Variants in DOCK2 observed in about 807,000 individuals in gnomAD.
The protein encoded by DOCK2 is dedicator of cytokinesis protein 2.
Under a neutral mutation model 248.9 loss-of-function variants are expected in DOCK2, and 87 were observed. The ratio of observed to expected loss-of-function variants is 0.35; its 90% CI spans 0.29 to 0.42. The LOEUF (loss-of-function observed/expected upper bound fraction) is 0.42, where lower values mean the gene tolerates loss of function less well. DOCK2 is among the 10% of genes least tolerant of loss of function. DOCK2 has a pLI of 1.00. For synonymous variants in DOCK2, 805 were observed against 821.6 expected, an observed-to-expected ratio of 0.98 and a Z score of 0.35; for missense variants, 1,747 against 2,300.2, an observed-to-expected ratio of 0.76 and a Z score of 4.92.
intron 25 of DOCK2, among the ~76,000 whole-genome samples, chr5:169,798,599 C>T (rs1451541970): frequency 2.6e-5 from 4 of 152,126 alleles, no homozygotes; most frequent in African/African-American, 7.2e-5. Context: ...GTTTTATGAC[C>T]ACTCCTAATA....
intron 50 of DOCK2, chr5:170,080,677 A>G (rs1045997347): frequency 1.5e-5 from 3 of 198,994 alleles, no homozygotes; most frequent in Non-Finnish European, 2.1e-5. Flanking sequence ...GCTTTACAGA[A>G]ATGGCCACCA....
chr5:169,730,889 TC>T (rs59586978), intron 22 of DOCK2, among the ~76,000 whole-genome samples: 6,208 of 137,026 alleles, frequency 0.045, 434 homozygotes, highest in African/African-American at 0.19. Flanking sequence ...TCTCTCTCTC[TC>T]TTTTTTTTAG....
intron 27 of DOCK2, among the ~76,000 whole-genome samples, chr5:169,904,091 CAAA>C (rs57983281): frequency 7.1e-5 from 5 of 70,386 alleles, no homozygotes; most frequent in Admixed American, 1.7e-4. Context: ...GACTTCGTCT[CAAA>C]AAAAAAAAAA....
At chr5:169,910,957 A>G (rs1449240399) in intron 27 of DOCK2, among the ~76,000 whole-genome samples, 1 of 152,140 alleles carries the variant, frequency 6.6e-6, no homozygotes. Flanking sequence ...TATCTGGGGT[A>G]TGAGCCACTT....
chr5:169,859,175 A>G (rs1057049343), intron 27 of DOCK2, among the ~76,000 whole-genome samples: 17 of 152,202 alleles, frequency 1.1e-4, no homozygotes, highest in African/African-American at 4.1e-4. Flanking sequence ...TCTGGCAATG[A>G]GAGAACCAAA....
At chr5:169,717,090 A>G (rs1013193682) in intron 20 of DOCK2, among the ~76,000 whole-genome samples, 3 of 152,192 alleles carry the variant, frequency 2.0e-5, no homozygotes, top group South Asian at 2.1e-4. Flanking sequence ...CACAATGTAC[A>G]TAAGTATATT....
At chr5:169,644,308 A>G (rs1036173161) in intron 1 of DOCK2, among the ~76,000 whole-genome samples, 4 of 152,168 alleles carry the variant, frequency 2.6e-5, no homozygotes, top group African/African-American at 9.7e-5. Flanking sequence ...GAGAGGGACC[A>G]GTTAGGCAGC....
Position 169,779,751 on chromosome 5 carries a change from C to T in DOCK2, c.2554+18126C>T, listed in dbSNP as rs114712761. ...CTTTTCTAAAATCTTCTGCTTCACCCCATCCCTAGAGGAACTCCCCCTTTC... is the reference window on the plus strand; with the variant it reads ...CTTTTCTAAAATCTTCTGCTTCACCTCATCCCTAGAGGAACTCCCCCTTTC... On this transcript the variant is annotated intron_variant, in intron 25 of 51. Coordinates refer to ENST00000520908, the MANE Select transcript of DOCK2 (RefSeq NM_004946.3). Among the ~76,000 whole-genome samples the T allele has an allele frequency of 3.7e-3, 557 of 152,204 alleles. 6 individuals are homozygous for T. The highest frequency in any genetic ancestry group is 0.012 in the African/African-American group (518 of 41,514).
chr5:169,848,780 C>G (rs563538144), intron 27 of DOCK2, among the ~76,000 whole-genome samples: 86 of 152,098 alleles, frequency 5.7e-4, no homozygotes, highest in Non-Finnish European at 1.6e-4. Flanking sequence ...CATAGCAGCT[C>G]CAGAAATTCA....
At chr5:170,066,033 G>A (rs755451459) in intron 44 of DOCK2, among the ~76,000 whole-genome samples, 1 of 147,372 alleles carries the variant, frequency 6.8e-6, no homozygotes, top group Non-Finnish European at 1.5e-5. Flanking sequence ...CTCACTGCAA[G>A]CTCCGCCTCC....
chr5:169,887,351 C>T (rs542199723), intron 27 of DOCK2, among the ~76,000 whole-genome samples: 1 of 151,988 alleles, frequency 6.6e-6, no homozygotes, highest in African/African-American at 2.4e-5. Context: ...TCAAATAATA[C>T]AAATAAACAA....
At chr5:169,690,398 C>T (rs1760227641) in intron 9 of DOCK2, among the ~76,000 whole-genome samples, 1 of 152,118 alleles carries the variant, frequency 6.6e-6, no homozygotes, top group Non-Finnish European at 1.5e-5. Context: ...GCTAGATTAA[C>T]CTACCTTGCT....
At chr5:169,893,943 T>C (rs1201487173) in intron 27 of DOCK2, among the ~76,000 whole-genome samples, 1 of 152,076 alleles carries the variant, frequency 6.6e-6, no homozygotes, top group Non-Finnish European at 1.5e-5. Context: ...AATCTCTTCC[T>C]GTAGATTGTC....
At chr5:169,759,664 T>C in intron 23 of DOCK2, 41 bp from the exon 24 acceptor site, 2 of 1,610,118 alleles carry the variant, frequency 1.2e-6, no homozygotes, top group Non-Finnish European at 1.7e-6. Context: ...ACAGACTTGT[T>C]GATGTGAGGA....
chr5:169,821,013 G>C (rs1232060694), intron 26 of DOCK2, among the ~76,000 whole-genome samples: 1 of 152,168 alleles, frequency 6.6e-6, no homozygotes, highest in Non-Finnish European at 1.5e-5. Context: ...GGAAGAACGG[G>C]TATCTGTGAT....
At chr5:169,704,147 A>C (rs1235349965) in intron 14 of DOCK2, 3 of 152,216 alleles carry the variant, frequency 2.0e-5, no homozygotes, top group African/African-American at 7.2e-5. Context: ...GGTTTCCTCT[A>C]TTAGGGAAAT....
chr5:169,807,720 G>A (rs1359178838), intron 26 of DOCK2, among the ~76,000 whole-genome samples: 3 of 151,014 alleles, frequency 2.0e-5, no homozygotes, highest in Non-Finnish European at 4.4e-5. Flanking sequence ...TGTAGTCCCA[G>A]CTACTCTGGA....
chr5:169,963,656 A>C (rs912898477), intron 27 of DOCK2, among the ~76,000 whole-genome samples: 9 of 151,478 alleles, frequency 5.9e-5, no homozygotes, highest in Non-Finnish European at 2.9e-5. Context: ...ATGTTAACCC[A>C]CCCCCTCACC....
At chr5:169,927,808 G>A (rs1043773916) in intron 27 of DOCK2, among the ~76,000 whole-genome samples, 48 of 152,236 alleles carry the variant, frequency 3.2e-4, no homozygotes, top group Admixed American at 2.0e-3. Flanking sequence ...AGTAGAGATG[G>A]GGTTTCACTG....
Sources: gnomAD v4.1 joint callset for allele counts (sites outside exome capture counted in the v4.1 genomes callset) on GRCh38, gnomAD v4.1.1 for gene constraint, MANE v1.5 for transcripts, NCBI Gene and HGNC (gene_info 2026-07-23, HGNC 2026-07-21) for gene names.